Variants in CDH11 observed in about 807,000 individuals in gnomAD.
CDH11 encodes the protein cadherin 11, also known as cadherin-11.
A neutral mutation model predicts 67.8 loss-of-function variants in CDH11; 11 were observed. The ratio of observed to expected loss-of-function variants is 0.16; its 90% CI spans 0.10 to 0.27. The LOEUF (loss-of-function observed/expected upper bound fraction) is 0.27. Among genes scored for constraint, CDH11 ranks in the 10% least tolerant of loss-of-function variants. The probability of loss-of-function intolerance (pLI) is 1.00; values close to 1 mark genes in which losing one functional copy is unlikely to be tolerated. For missense variants in CDH11, 847 were observed against 1,031.2 expected (o/e 0.82, Z 2.45); for synonymous variants, 419 against 400.0 (o/e 1.05, Z -0.57).
chr16:65,013,630 C>G (rs1198131840), intron 2 of CDH11, among the ~76,000 whole-genome samples: 1 of 152,080 alleles, frequency 6.6e-6, no homozygotes, highest in African/African-American at 2.4e-5. Context: ...TGAGACCAGA[C>G]TGGCCAACAT....
chr16:65,084,679 T>A (rs1317332430), intron 1 of CDH11, among the ~76,000 whole-genome samples: 1 of 152,148 alleles, frequency 6.6e-6, no homozygotes, highest in Non-Finnish European at 1.5e-5. Flanking sequence ...GGTTTAAAAG[T>A]ATTTACCTTG....
chr16:65,010,969 G>T (rs199917115), intron 2 of CDH11, among the ~76,000 whole-genome samples: 1 of 92,696 alleles, frequency 1.1e-5, no homozygotes, highest in African/African-American at 3.9e-5. Context: ...ATATATATGT[G>T]TTTATATATA....
At chr16:64,991,531 G>A (rs1326659518) in intron 6 of CDH11, 6 of 459,240 alleles carry the variant, frequency 1.3e-5, no homozygotes, top group Admixed American at 6.7e-5. Context: ...ACGATATTTT[G>A]TTTCCAGGGT....
At chr16:65,012,872 T>C (rs903320727) in intron 2 of CDH11, among the ~76,000 whole-genome samples, 1 of 152,226 alleles carries the variant, frequency 6.6e-6, no homozygotes, top group Non-Finnish European at 1.5e-5. Flanking sequence ...AGACAATGCC[T>C]TCTTCTCTGA....
intron 4 of CDH11, among the ~76,000 whole-genome samples, chr16:64,995,561 C>T (rs1156628691): frequency 6.6e-6 from 1 of 152,064 alleles, no homozygotes; most frequent in Non-Finnish European, 1.5e-5. Context: ...TGAAACTGGA[C>T]CCCTACCTTT....
intron 11 of CDH11, among the ~76,000 whole-genome samples, chr16:64,957,618 A>ACACC (rs1160953807): frequency 6.9e-6 from 1 of 144,652 alleles, no homozygotes; most frequent in Non-Finnish European, 1.5e-5. Context: ...ACACACACAC[A>ACACC]CACACACACA....
intron 2 of CDH11, among the ~76,000 whole-genome samples, chr16:65,028,376 T>A (rs144551656): frequency 1.7e-4 from 26 of 152,232 alleles, no homozygotes; most frequent in African/African-American, 6.0e-4. Context: ...TCTCTATGTA[T>A]CCCTGGTGGC....
At position 65,116,998 on chromosome 16, in the gene CDH11, T is replaced by G. The variant is rs2075255935; in HGVS notation, c.-298+4882A>C. 3.3e-5 allele frequency among the ~76,000 whole-genome samples: 5 copies of G among 152,334 alleles called. No homozygotes were observed. The South Asian group carries it at 1.0e-3, about 32-fold the overall frequency. ...AACTCTGCAACCGTCTCATGACTAA[T>G]TAAACCAAATAACAATGAAATTTTG... On this transcript the variant is annotated intron_variant, in intron 1 of 12. Transcript: ENST00000268603.
chr16:65,013,191 C>T (rs749842712), intron 2 of CDH11, among the ~76,000 whole-genome samples: 1 of 152,066 alleles, frequency 6.6e-6, no homozygotes, highest in Non-Finnish European at 1.5e-5. Flanking sequence ...CAACTTGAGG[C>T]CCCAGTGACC....
chr16:65,011,438 A>G (rs2073183123), intron 2 of CDH11, among the ~76,000 whole-genome samples: 1 of 152,166 alleles, frequency 6.6e-6, no homozygotes, highest in Non-Finnish European at 1.5e-5. Context: ...AGTAAATACA[A>G]TCAGACTTTA....
At chr16:65,046,516 G>A (rs1406348695) in intron 2 of CDH11, among the ~76,000 whole-genome samples, 3 of 152,172 alleles carry the variant, frequency 2.0e-5, no homozygotes, top group East Asian at 1.9e-4. Context: ...TATTGATTTC[G>A]AGAACATCTT....
intron 1 of CDH11, among the ~76,000 whole-genome samples, chr16:65,107,064 A>T (rs1259248783): frequency 6.6e-6 from 1 of 152,052 alleles, no homozygotes; most frequent in Non-Finnish European, 1.5e-5. Context: ...GAGATAACCT[A>T]TGAAAGGCCC....
intron 1 of CDH11, among the ~76,000 whole-genome samples, chr16:65,084,802 G>T (rs1357558598): frequency 6.6e-6 from 1 of 152,156 alleles, no homozygotes; most frequent in African/African-American, 2.4e-5. Flanking sequence ...TCCCAATTTG[G>T]CTAGGAGTTA....
chr16:64,950,202 G>T (rs549673823), intron 12 of CDH11, among the ~76,000 whole-genome samples: 1 of 152,248 alleles, frequency 6.6e-6, no homozygotes, highest in African/African-American at 2.4e-5. Context: ...GCAGGGGTAG[G>T]TGCAGGAAAA....
intron 3 of CDH11, among the ~76,000 whole-genome samples, chr16:65,000,442 C>CT (rs1413260561): frequency 6.6e-6 from 1 of 152,122 alleles, no homozygotes; most frequent in African/African-American, 2.4e-5. Flanking sequence ...GACCTTGGTT[C>CT]TACCTACTAA....
chr16:65,040,409 C>T (rs56229753), intron 2 of CDH11, among the ~76,000 whole-genome samples: 17,638 of 152,010 alleles, frequency 0.12, 1,245 homozygotes, highest in Middle Eastern at 0.16. Flanking sequence ...TTTGTAGCGA[C>T]GTGGATGAAA....
At chr16:64,992,033 C>A (rs2072640721) in intron 5 of CDH11, 98 bp from the exon 6 acceptor site, 5 of 774,422 alleles carry the variant, frequency 6.5e-6, no homozygotes, top group Admixed American at 4.9e-5. Flanking sequence ...AATAAAATAT[C>A]CCATGCCCTC....
At chr16:65,050,570 G>A (rs748251042) in intron 2 of CDH11, among the ~76,000 whole-genome samples, 1 of 152,098 alleles carries the variant, frequency 6.6e-6, no homozygotes, top group Non-Finnish European at 1.5e-5. Flanking sequence ...CTTACAGTGC[G>A]ATCAAGAACA....
At chr16:64,962,012 GC>G (rs1387562839) in intron 11 of CDH11, among the ~76,000 whole-genome samples, 2 of 151,930 alleles carry the variant, frequency 1.3e-5, no homozygotes, top group African/African-American at 4.8e-5. Context: ...ACCAAGAATG[GC>G]CATTACTGTT....
Sources: allele counts gnomAD v4.1 joint callset (sites outside exome capture counted in the v4.1 genomes callset), GRCh38; gene constraint gnomAD v4.1.1; transcripts MANE v1.5; gene names NCBI Gene and HGNC (gene_info 2026-07-23, HGNC 2026-07-21).